ZNF322: variants seen among roughly 807,000 people sequenced by gnomAD.
The protein encoded by ZNF322 is HLA complex group 12.
A neutral mutation model predicts 18.3 loss-of-function variants in ZNF322; 1 was observed. The ratio of observed to expected loss-of-function variants is 0.05; its 90% CI spans 0.02 to 0.26. The LOEUF (loss-of-function observed/expected upper bound fraction) is 0.26, where lower values mean the gene tolerates loss of function less well. ZNF322 is among the 10% of genes least tolerant of loss of function. The pLI is 1.00. For synonymous variants in ZNF322, 17 were observed against 130.7 expected (o/e 0.13, Z 5.93); for missense variants, 36 against 403.6 (o/e 0.09, Z 7.80).
chr6:26,640,022 C>T (rs1765439665), intron 3 of ZNF322, among the ~76,000 whole-genome samples: 1 of 151,814 alleles, frequency 6.6e-6, no homozygotes, highest in Non-Finnish European at 1.5e-5. Context: ...GCAATTCCAC[C>T]CTCCCTCTCC....
At chr6:26,651,027 T>G (rs1765659165) in intron 2 of ZNF322, among the ~76,000 whole-genome samples, 1 of 152,188 alleles carries the variant, frequency 6.6e-6, no homozygotes, top group Non-Finnish European at 1.5e-5. Flanking sequence ...CAACACTTAC[T>G]ATACTATTTG....
At chr6:26,656,309 A>C (rs1286086161) in intron 2 of ZNF322, among the ~76,000 whole-genome samples, 2 of 152,182 alleles carry the variant, frequency 1.3e-5, no homozygotes, top group African/African-American at 4.8e-5. Flanking sequence ...TTTTCCTCAC[A>C]GAGTTGCTAT....
rs535093853 is a variant in ZNF322, at chr6:26,646,159, A to G, written c.-245-2431T>C. Among the ~76,000 whole-genome samples, 5 of 152,132 alleles carry G rather than the reference A, an allele frequency of 3.3e-5. No individual in the cohort carries two copies. The East Asian group carries it at 5.8e-4, about 18-fold the overall frequency. On this transcript the variant is annotated intron_variant, in intron 2 of 3. Coordinates refer to ENST00000415922, the MANE Select transcript of ZNF322 (RefSeq NM_024639.5). ...AAAGAGCTATGAAAACCTATCGTAG[A>G]AAAAAAAGTAACAAAATACAGTTAT... is the stretch of plus-strand genomic sequence containing the variant.
intron 2 of ZNF322, among the ~76,000 whole-genome samples, chr6:26,655,230 TAAAC>T (rs1234639147): frequency 1.4e-4 from 21 of 152,224 alleles, no homozygotes; most frequent in South Asian, 4.1e-4. Flanking sequence ...CTTTTTGTCT[TAAAC>T]AACATGAGTG....
intron 2 of ZNF322, among the ~76,000 whole-genome samples, chr6:26,657,006 C>T (rs756015133): frequency 1.3e-4 from 20 of 152,154 alleles, no homozygotes; most frequent in Non-Finnish European, 2.5e-4. Context: ...CCGAGCACTT[C>T]GGGAAGCCGA....
At chr6:26,646,847 G>A (rs1309566029) in intron 2 of ZNF322, among the ~76,000 whole-genome samples, 6 of 152,016 alleles carry the variant, frequency 3.9e-5, no homozygotes, top group Admixed American at 2.0e-4. Context: ...AATATCAAGC[G>A]ACCAAAGGTC....
chr6:26,655,182 T>C (rs1190208925), intron 2 of ZNF322, among the ~76,000 whole-genome samples: 2 of 152,234 alleles, frequency 1.3e-5, no homozygotes, highest in Non-Finnish European at 2.9e-5. Flanking sequence ...AAATGACTGA[T>C]GCTGAATTAG....
intron 2 of ZNF322, among the ~76,000 whole-genome samples, chr6:26,649,702 T>TATATATATATATATA (rs1491481825): frequency 1.1e-5 from 1 of 89,128 alleles, no homozygotes; most frequent in East Asian, 3.0e-4. Context: ...TATATATATA[T>TATATATATATATATA]TTTTTTTTTT....
chr6:26,652,850 CTGTGTGTGCTA>C (rs1246050522), intron 2 of ZNF322, among the ~76,000 whole-genome samples: 2 of 151,972 alleles, frequency 1.3e-5, no homozygotes, highest in Admixed American at 1.3e-4. Context: ...GCGGGGGATG[CTGTGTGTGCTA>C]TGTGTGTGGT....
chr6:26,655,030 A>G (rs1765743575), intron 2 of ZNF322, among the ~76,000 whole-genome samples: 1 of 152,168 alleles, frequency 6.6e-6, no homozygotes, highest in Non-Finnish European at 1.5e-5. Flanking sequence ...TCTAAACTGA[A>G]TCTGATCACG....
intron 2 of ZNF322, among the ~76,000 whole-genome samples, chr6:26,644,894 C>T (rs564413413): frequency 2.0e-5 from 3 of 152,202 alleles, no homozygotes; most frequent in Non-Finnish European, 4.4e-5. Flanking sequence ...TAAACATGTG[C>T]TATACCTATC....
chr6:26,645,045 A>G (rs533740854), intron 2 of ZNF322, among the ~76,000 whole-genome samples: 8 of 152,284 alleles, frequency 5.3e-5, no homozygotes, highest in Admixed American at 2.0e-4. Context: ...GCTCCCACTT[A>G]TAAGTGAGAA....
chr6:26,659,353 C>CA (rs1241541882), intron 1 of ZNF322, 88 bp downstream of exon 1: 1 of 162,666 alleles, frequency 6.1e-6, no homozygotes, highest in East Asian at 1.9e-4. Context: ...TGTCCAGGAA[C>CA]AGGGGCTGCT....
At chr6:26,645,850 G>A (rs988078142) in intron 2 of ZNF322, among the ~76,000 whole-genome samples, 3 of 151,892 alleles carry the variant, frequency 2.0e-5, no homozygotes, top group Non-Finnish European at 4.4e-5. Flanking sequence ...TGACCAACAT[G>A]GAGAAACCCT....
intron 2 of ZNF322, among the ~76,000 whole-genome samples, chr6:26,644,138 C>T (rs896959815): frequency 6.6e-6 from 1 of 152,182 alleles, no homozygotes; most frequent in Admixed American, 6.5e-5. Context: ...ACCACTGCAA[C>T]CCACGTAATC....
chr6:26,658,902 A>G (rs1385164787), intron 1 of ZNF322: 1 of 152,182 alleles, frequency 6.6e-6, no homozygotes, highest in East Asian at 1.9e-4. Flanking sequence ...CTTCATAACA[A>G]AGCCCTAAGC....
intron 2 of ZNF322, among the ~76,000 whole-genome samples, chr6:26,650,769 C>T (rs1765653309): frequency 6.6e-6 from 1 of 151,998 alleles, no homozygotes; most frequent in Non-Finnish European, 1.5e-5. Flanking sequence ...AATTTGAAAA[C>T]TCTAAGAAAT....
intron 2 of ZNF322, among the ~76,000 whole-genome samples, chr6:26,649,894 G>A (rs1554149037): frequency 6.6e-6 from 1 of 150,440 alleles, no homozygotes; most frequent in Non-Finnish European, 1.5e-5. Context: ...GTAGAGACGG[G>A]GTCTCTCCAT....
chr6:26,647,876 G>A (rs1047554973), intron 2 of ZNF322, among the ~76,000 whole-genome samples: 4 of 120,702 alleles, frequency 3.3e-5, no homozygotes, highest in Non-Finnish European at 7.0e-5. Flanking sequence ...ATCCAATATC[G>A]CTTTTTTTTT....
Sources: gnomAD v4.1 joint callset for allele counts (sites outside exome capture counted in the v4.1 genomes callset) on GRCh38, gnomAD v4.1.1 for gene constraint, MANE v1.5 for transcripts, NCBI Gene and HGNC (gene_info 2026-07-23, HGNC 2026-07-21) for gene names.